Variants in TOM1L1 observed in about 807,000 individuals in gnomAD.
TOM1L1 encodes the protein TOM1-like protein 1.
A neutral mutation model predicts 63.4 loss-of-function variants in TOM1L1; 64 were observed. The ratio of observed to expected loss-of-function variants is 1.01; its 90% CI spans 0.83 to 1.24. The LOEUF is 1.24. TOM1L1 is among the 50% of genes most tolerant of loss of function. The probability of loss-of-function intolerance (pLI) is 0.00; values close to 1 mark genes in which losing one functional copy is unlikely to be tolerated. For synonymous variants in TOM1L1, 166 were observed against 194.4 expected, an observed-to-expected ratio of 0.85 and a Z score of 1.22; for missense variants, 536 against 567.0, an observed-to-expected ratio of 0.95 and a Z score of 0.55.
At chr17:54,943,959 CAGAA>C (rs1382417188) in intron 11 of TOM1L1, among the ~76,000 whole-genome samples, 8 of 151,198 alleles carry the variant, frequency 5.3e-5, no homozygotes, top group Non-Finnish European at 1.0e-4. Context: ...GCCTGAGTGA[CAGAA>C]AGAGACTCTG....
At chr17:54,915,335 C>T (rs2048569552) in intron 6 of TOM1L1, among the ~76,000 whole-genome samples, 1 of 152,086 alleles carries the variant, frequency 6.6e-6, no homozygotes, top group Non-Finnish European at 1.5e-5. Flanking sequence ...TTCTTTAATA[C>T]CATGAGAACT....
chr17:54,957,519 G>A (rs1452342035), intron 14 of TOM1L1: 3 of 152,202 alleles, frequency 2.0e-5, no homozygotes, highest in Non-Finnish European at 4.4e-5. Context: ...CACAGATACT[G>A]GCGGTGGGAG....
At chr17:54,943,795 G>A (rs1023842079) in intron 11 of TOM1L1, among the ~76,000 whole-genome samples, 3 of 151,766 alleles carry the variant, frequency 2.0e-5, no homozygotes, top group African/African-American at 7.3e-5. Context: ...TAGCTAATAC[G>A]GTGAAACCCT....
At chr17:54,903,538 G>C in intron 1 of TOM1L1, 170 bp from the exon 2 acceptor site, 1 of 643,636 alleles carries the variant, frequency 1.6e-6, no homozygotes, top group South Asian at 1.8e-5. Context: ...TCTGAACTTG[G>C]GTTCTGATTG....
Position 54,903,745 on chromosome 17 carries a change from G to C in TOM1L1, c.96G>C (p.Trp32Cys). The C allele has an allele frequency of 2.5e-6, 4 of 1,614,178 alleles. No homozygotes were observed. The highest frequency in any genetic ancestry group is 3.4e-6 in the Non-Finnish European group (4 of 1,180,036). Residue 32 changes from tryptophan to cysteine, a missense_variant, in exon 2 of 16, where the codon TGG becomes TGC. Coordinates refer to ENST00000575882, the MANE Select transcript of TOM1L1 (RefSeq NM_005486.3). ...TTGCTGGAGTTCAGACTGAAGATTG[G>C]GGCCAGTTCATGCACATCTGTGACA... The part of the protein sequence containing the change: ...ATFAGVQTED[W>C]GQFMHICDII...
intron 11 of TOM1L1, among the ~76,000 whole-genome samples, chr17:54,940,978 GT>G (rs1249952153): frequency 3.3e-5 from 5 of 152,036 alleles, no homozygotes; most frequent in African/African-American, 1.2e-4. Context: ...ATAAAAAGTT[GT>G]ATAAGACAAT....
intron 7 of TOM1L1, among the ~76,000 whole-genome samples, chr17:54,923,118 G>A (rs180725435): frequency 7.2e-5 from 11 of 152,170 alleles, no homozygotes; most frequent in South Asian, 2.1e-4. Flanking sequence ...TATATCCCAC[G>A]TTTTATATAT....
intron 7 of TOM1L1, among the ~76,000 whole-genome samples, chr17:54,926,986 C>T (rs2048779803): frequency 6.6e-6 from 1 of 152,188 alleles, no homozygotes. Flanking sequence ...AGGCAGCAAC[C>T]AAGTCCTGTA....
Position 54,960,636 on chromosome 17 carries a change from T to C in TOM1L1, c.*1+9T>C. On this transcript the variant is annotated intron_variant, in intron 15 of 15. Coordinates refer to ENST00000575882, the MANE Select transcript of TOM1L1 (RefSeq NM_005486.3). The stretch of plus-strand genomic sequence containing the variant: ...AAATGATGGTGACTGAGGTAAAGAC[T>C]TCAACTTATACAACTTAATTCCATA... 6.3e-7 allele frequency: 1 copy of C among 1,586,542 alleles called. No individual in the cohort carries two copies. Among genetic ancestry groups the C allele is most frequent in the Non-Finnish European group, 8.7e-7 (1 of 1,155,788 alleles).
intron 14 of TOM1L1, among the ~76,000 whole-genome samples, chr17:54,950,673 T>G (rs981065140): frequency 6.6e-6 from 1 of 152,216 alleles, no homozygotes; most frequent in Non-Finnish European, 1.5e-5. Context: ...TTTGAGTGAC[T>G]GAAGGTTACC....
chr17:54,909,045 G>A (rs1286529376), intron 3 of TOM1L1, among the ~76,000 whole-genome samples: 1 of 152,140 alleles, frequency 6.6e-6, no homozygotes, highest in African/African-American at 2.4e-5. Context: ...GATCACTTCA[G>A]GTCAGGAGTT....
At chr17:54,938,280 G>A (rs1473703165) in intron 10 of TOM1L1, among the ~76,000 whole-genome samples, 1 of 152,080 alleles carries the variant, frequency 6.6e-6, no homozygotes, top group Non-Finnish European at 1.5e-5. Flanking sequence ...GATCACCTGA[G>A]GTCAGGAGTT....
chr17:54,952,329 A>G (rs8078896), intron 14 of TOM1L1: 112,598 of 151,856 alleles, frequency 0.74, 42,140 homozygotes, highest in African/African-American at 0.83. Context: ...CAAGGCGCGC[A>G]GATCACCCTG....
chr17:54,957,652 C>T (rs1321054383), intron 14 of TOM1L1: 2 of 152,110 alleles, frequency 1.3e-5, no homozygotes, highest in Non-Finnish European at 1.5e-5. Flanking sequence ...GACTTCCCTC[C>T]AAGGAAAAGC....
At chr17:54,931,948 C>CTT (rs2048865628) in intron 8 of TOM1L1, among the ~76,000 whole-genome samples, 1 of 63,912 alleles carries the variant, frequency 1.6e-5, no homozygotes, top group South Asian at 4.1e-4. Context: ...CTTTTTTCTT[C>CTT]GTTTTTTTTT....
intron 10 of TOM1L1, chr17:54,937,533 T>C (rs1822972035): frequency 9.7e-6 from 3 of 308,360 alleles, no homozygotes; most frequent in African/African-American, 6.4e-5. Context: ...ACTGTGAACC[T>C]ACACACTATT....
intron 3 of TOM1L1, among the ~76,000 whole-genome samples, chr17:54,911,926 C>A (rs1250455266): frequency 1.3e-5 from 2 of 152,210 alleles, no homozygotes; most frequent in African/African-American, 4.8e-5. Flanking sequence ...TTGCATGCCA[C>A]ACAAACTTCT....
At chr17:54,914,235 T>G (rs1007150386) in intron 5 of TOM1L1, among the ~76,000 whole-genome samples, 1 of 152,082 alleles carries the variant, frequency 6.6e-6, no homozygotes, top group Non-Finnish European at 1.5e-5. Flanking sequence ...AGGAGGGTCA[T>G]TGATGGAGAA....
chr17:54,961,173 T>C, intron 15 of TOM1L1, 62 bp from the exon 16 acceptor site: 1 of 1,140,074 alleles, frequency 8.8e-7, no homozygotes, highest in East Asian at 2.6e-5. Flanking sequence ...AAGAGAGTTA[T>C]CAAGGAATGG....
Sources: gnomAD v4.1 joint callset for allele counts (sites outside exome capture counted in the v4.1 genomes callset) on GRCh38, gnomAD v4.1.1 for gene constraint, MANE v1.5 for transcripts, NCBI Gene and HGNC (gene_info 2026-07-23, HGNC 2026-07-21) for gene names.